SETD2: variants seen among roughly 807,000 people sequenced by gnomAD.
SETD2 encodes the protein SET domain containing 2, histone lysine methyltransferase, also known as histone-lysine N-methyltransferase SETD2.
In SETD2, 31 loss-of-function variants were observed where a neutral mutation model predicts 242.1. That is an observed-to-expected ratio of 0.13 (90% CI 0.10 to 0.17). The LOEUF is 0.17. Ranked by LOEUF, SETD2 falls within the 10% of genes least tolerant of loss-of-function variation. SETD2 has a pLI of 1.00. For synonymous variants in SETD2, 1,006 were observed against 1,066.5 expected, an observed-to-expected ratio of 0.94 and a Z score of 1.11; for missense variants, 2,481 against 3,046.3, an observed-to-expected ratio of 0.81 and a Z score of 4.37.
chr3:47,129,392 TAC>T (rs1234510407), intron 1 of SETD2, among the ~76,000 whole-genome samples: 2 of 152,238 alleles, frequency 1.3e-5, no homozygotes. Flanking sequence ...CACTTTGATC[TAC>T]AGAGCTTTCT....
intron 9 of SETD2, among the ~76,000 whole-genome samples, chr3:47,096,926 C>T (rs2042032867): frequency 6.6e-6 from 1 of 151,996 alleles, no homozygotes; most frequent in Non-Finnish European, 1.5e-5. Context: ...CTTTCCAATG[C>T]TTTTTTTAAC....
intron 19 of SETD2, among the ~76,000 whole-genome samples, chr3:47,019,518 A>G (rs2107494147): frequency 6.6e-6 from 1 of 152,338 alleles, no homozygotes; most frequent in East Asian, 1.9e-4. Context: ...CATAGATGCT[A>G]CAGAAGGCCC....
At chr3:47,146,380 C>T (rs2043851545) in intron 1 of SETD2, among the ~76,000 whole-genome samples, 1 of 152,154 alleles carries the variant, frequency 6.6e-6, no homozygotes, top group South Asian at 2.1e-4. Flanking sequence ...GTAATTCCCA[C>T]ACTTTGGGAG....
chr3:47,060,026 C>A (rs2040265816), intron 14 of SETD2, among the ~76,000 whole-genome samples: 1 of 152,114 alleles, frequency 6.6e-6, no homozygotes, highest in Non-Finnish European at 1.5e-5. Flanking sequence ...CTTAGGTGAT[C>A]CACCAGCCTC....
chr3:47,052,489 A>G (rs1360629798), intron 15 of SETD2, among the ~76,000 whole-genome samples: 3 of 152,150 alleles, frequency 2.0e-5, no homozygotes. Flanking sequence ...CCTGTATCAC[A>G]TTTAAAGAGC....
intron 5 of SETD2, among the ~76,000 whole-genome samples, chr3:47,106,811 CA>C (rs397989450): frequency 5.7e-4 from 65 of 113,588 alleles, no homozygotes; most frequent in Non-Finnish European, 6.8e-4. Flanking sequence ...GACTCCGTCT[CA>C]AAAAAAAAAA....
intron 18 of SETD2, among the ~76,000 whole-genome samples, chr3:47,026,441 A>G (rs1049820297): frequency 6.6e-6 from 1 of 152,224 alleles, no homozygotes; most frequent in Admixed American, 6.5e-5. Context: ...TGACCCAGCA[A>G]TCCCATTACT....
chr3:47,120,171 A>G lies in SETD2; in HGVS notation c.4454+11T>C. On this transcript the variant is annotated intron_variant, in intron 3 of 20. Transcript: ENST00000409792. Reference sequence around the variant, plus strand: ...GTTAAAATTTGTCAAACAAGTATTAATTAGACTTACCTTTCTGTTAAATAA... The same window carrying G: ...GTTAAAATTTGTCAAACAAGTATTAGTTAGACTTACCTTTCTGTTAAATAA... 1 of 1,509,788 alleles carries G rather than the reference A, an allele frequency of 6.6e-7. No individual in the cohort carries two copies. 93.5% of individuals were successfully genotyped at this position (1,509,788 alleles called of 1,614,324 possible).
intron 15 of SETD2, among the ~76,000 whole-genome samples, chr3:47,049,338 TATATATA>T (rs1275645848): frequency 2.3e-5 from 3 of 133,068 alleles, no homozygotes; most frequent in African/African-American, 8.4e-5. Context: ...TATATATATA[TATATATA>T]TATGTATTCT....
chr3:47,121,558 A>G lies in SETD2; in HGVS notation c.3078T>C (p.His1026=), dbSNP rs564008173. Reference sequence around the variant, plus strand: ...GAACTGTAGACACAATTTCTGGGGCATGACCACTACTGTCACACTTTAATG... The same window carrying G: ...GAACTGTAGACACAATTTCTGGGGCGTGACCACTACTGTCACACTTTAATG... ...TYALKCDSSG[H]APEIVSTVHE... is the part of the protein sequence containing the mutation. The change falls in exon 3 of 21, where the codon CAT becomes CAC. Residue 1026 remains histidine (H), a synonymous_variant. Transcript: ENST00000409792. The G allele has an allele frequency of 1.2e-5, 19 of 1,614,160 alleles. No homozygotes were observed. The South Asian group carries it at 2.1e-4, about 18-fold the overall frequency.
intron 1 of SETD2, among the ~76,000 whole-genome samples, chr3:47,153,071 G>A (rs1000682542): frequency 2.0e-5 from 3 of 152,176 alleles, no homozygotes; most frequent in Non-Finnish European, 4.4e-5. Context: ...TGTAATCCCA[G>A]CACTTTGGAA....
intron 1 of SETD2, among the ~76,000 whole-genome samples, chr3:47,162,968 T>C (rs1205105849): frequency 1.3e-5 from 2 of 152,220 alleles, no homozygotes; most frequent in African/African-American, 2.4e-5. Context: ...TTCCACAACA[T>C]TGTCTTCTTT....
rs536163785 is a variant in SETD2 at position 47,121,370 on chromosome 3, C to G, written c.3266G>C (p.Arg1089Pro). 3 of 1,609,602 alleles carry G rather than the reference C, an allele frequency of 1.9e-6. No homozygotes were observed. Among genetic ancestry groups the G allele is most frequent in the Non-Finnish European group, 2.5e-6 (3 of 1,179,994 alleles). ...ATAGTGTCTATAACTTTGACTGCTC[C>G]GAGAAGAACAAGGACTTGTTTCTTC... The part of the protein sequence containing the change: ...PMEETSPCSS[R>P]SSQSYRHYSD... The change falls in exon 3 of 21, where the codon CGG becomes CCG. Residue 1089 changes from arginine (R) to proline (P), a missense_variant. Arg to Pro is a moderately radical substitution (Grantham distance 103). Around this residue, in one of 17 missense-constraint regions of SETD2, gnomAD observed 1,300 missense variants for 1,259.2 expected, o/e 1.03. Coordinates refer to ENST00000409792, the MANE Select transcript of SETD2 (RefSeq NM_014159.7).
intron 12 of SETD2, among the ~76,000 whole-genome samples, chr3:47,072,316 G>A (rs1559689689): frequency 6.6e-6 from 1 of 151,802 alleles, no homozygotes; most frequent in Admixed American, 6.6e-5. Context: ...TCAAAAAAAA[G>A]AACAAAATAA....
chr3:47,045,685 TAA>T (rs562529886), intron 16 of SETD2, among the ~76,000 whole-genome samples: 2 of 133,238 alleles, frequency 1.5e-5, no homozygotes. Context: ...GTGACAGAGT[TAA>T]AAAAAAAAAA....
intron 1 of SETD2, among the ~76,000 whole-genome samples, chr3:47,140,643 T>C (rs1371009527): frequency 1.6e-4 from 24 of 152,218 alleles, no homozygotes; most frequent in Non-Finnish European, 3.1e-4. Flanking sequence ...GGTGGATCAC[T>C]TGAGGTCAGG....
At position 47,017,356 on chromosome 3, in the gene SETD2, T is replaced by C; in HGVS notation, c.7534-102A>G. On this transcript the variant is annotated intron_variant, in intron 20 of 20. Coordinates refer to ENST00000409792, the MANE Select transcript of SETD2 (RefSeq NM_014159.7). This position sits in a 1 kb window ranked among gnomAD's most constrained non-coding sequence, Gnocchi z 4.8. ...AATCCAGCCTGCTGCTTCAGGGCCC[T>C]TCTCACCAAGACAGGAAGTTAATAA... 2 of 1,208,434 alleles carry C rather than the reference T, an allele frequency of 1.7e-6. No homozygotes were observed. Among genetic ancestry groups the C allele is most frequent in the Non-Finnish European group, 2.3e-6 (2 of 851,418 alleles). 74.9% of individuals were successfully genotyped at this position (1,208,434 alleles called of 1,614,324 possible). A position where few individuals can be genotyped will look rare whatever the true frequency, so the allele number is the denominator to read the frequency against.
At chr3:47,095,832 G>T (rs2041985511) in intron 9 of SETD2, among the ~76,000 whole-genome samples, 1 of 150,754 alleles carries the variant, frequency 6.6e-6, no homozygotes. Context: ...ACAGCAATTA[G>T]AAATAAATGT....
At chr3:47,125,147 C>G (rs551453179) in intron 2 of SETD2, among the ~76,000 whole-genome samples, 1 of 151,816 alleles carries the variant, frequency 6.6e-6, no homozygotes, top group Non-Finnish European at 1.5e-5. Context: ...AATGAAAACC[C>G]ATCTCTACTA....
Sources: allele counts gnomAD v4.1 joint callset (sites outside exome capture counted in the v4.1 genomes callset), GRCh38; gene constraint gnomAD v4.1.1; regional missense constraint gnomAD v4.1.1; non-coding constraint Gnocchi (gnomAD v3.1); transcripts MANE v1.5; gene names NCBI Gene and HGNC (gene_info 2026-07-23, HGNC 2026-07-21).